DPP6: variants seen among roughly 807,000 people sequenced by gnomAD.
DPP6 encodes the protein dipeptidyl peptidase like 6, also known as A-type potassium channel modulatory protein DPP6.
DPP6 carries 69 observed loss-of-function variants against 122.6 expected under a neutral mutation model. That is an observed-to-expected ratio of 0.56 (90% CI 0.46 to 0.69). DPP6 has a LOEUF of 0.69. Ranked by LOEUF, DPP6 falls within the 30% of genes least tolerant of loss-of-function variation. The pLI is 0.00. For synonymous variants in DPP6, 418 were observed against 433.1 expected, an observed-to-expected ratio of 0.97 and a Z score of 0.43; for missense variants, 928 against 1,116.9, an observed-to-expected ratio of 0.83 and a Z score of 2.41.
chr7:153,887,449 T>A (rs1372824944), exon 1 of DPP6: 1 of 464,618 alleles, frequency 2.2e-6, no homozygotes, highest in Non-Finnish European at 3.9e-6. Context: ...TTTTTTTCTT[T>A]CTTTCTTTAT....
chr7:154,382,215 T>C (rs971219052), intron 1 of DPP6, among the ~76,000 whole-genome samples: 9 of 151,806 alleles, frequency 5.9e-5, no homozygotes. Context: ...TGAGACAGGG[T>C]CTCACTCTGT....
chr7:154,049,051 G>A (rs1169444476), upstream of DPP6, among the ~76,000 whole-genome samples: 1 of 150,142 alleles, frequency 6.7e-6, no homozygotes, highest in African/African-American at 2.5e-5. Flanking sequence ...TGGGTTGGGG[G>A]CATTTGGTTT....
At chr7:154,394,120 G>T (rs1814865090) in intron 1 of DPP6, among the ~76,000 whole-genome samples, 1 of 152,106 alleles carries the variant, frequency 6.6e-6, no homozygotes, top group Non-Finnish European at 1.5e-5. Context: ...TGGAATTGCT[G>T]GATCATATGG....
At chr7:154,188,107 C>T (rs1798437985) in intron 1 of DPP6, among the ~76,000 whole-genome samples, 1 of 152,024 alleles carries the variant, frequency 6.6e-6, no homozygotes. Context: ...CTCTTCTGGT[C>T]ACGCGTAAAG....
At chr7:154,032,500 G>C (rs950861257) in intron 1 of DPP6, among the ~76,000 whole-genome samples, 8 of 152,220 alleles carry the variant, frequency 5.3e-5, no homozygotes, top group Non-Finnish European at 8.8e-5. Flanking sequence ...GTTTATCTAA[G>C]CCCAGACAGC....
chr7:153,969,110 G>T (rs1220853470), intron 1 of DPP6, among the ~76,000 whole-genome samples: 1 of 150,854 alleles, frequency 6.6e-6, no homozygotes. Context: ...CTCTTGGGTA[G>T]ATATCTAAGA....
chr7:154,714,367 A>G (rs1841361222), intron 7 of DPP6, among the ~76,000 whole-genome samples: 1 of 152,158 alleles, frequency 6.6e-6, no homozygotes, highest in Non-Finnish European at 1.5e-5. Context: ...CCGTAGCACC[A>G]ATTTATTGTA....
intron 1 of DPP6, among the ~76,000 whole-genome samples, chr7:154,009,479 T>C (rs1436284995): frequency 1.3e-5 from 2 of 148,398 alleles, no homozygotes; most frequent in Non-Finnish European, 3.0e-5. Flanking sequence ...GAGCCATCCC[T>C]GATGCTTCAC....
rs182387887 is a variant in DPP6 at position 154,288,447 on chromosome 7, C to G, written c.244-157767C>G. On this transcript the variant is annotated intron_variant, in intron 1 of 25. Transcript: ENST00000377770. Reference sequence around the variant, plus strand: ...AAAACTCGGATCCCACTTTCTGCTACTGACCAGCTGTGTGACCTCAGACCA... The same window carrying G: ...AAAACTCGGATCCCACTTTCTGCTAGTGACCAGCTGTGTGACCTCAGACCA... Among the ~76,000 whole-genome samples the G allele has an allele frequency of 2.0e-4, 30 of 152,348 alleles. No homozygotes were observed. The East Asian group carries it at 5.4e-3, about 27-fold the overall frequency.
At chr7:154,763,416 G>T (rs745982736) in intron 8 of DPP6, among the ~76,000 whole-genome samples, 43 of 151,990 alleles carry the variant, frequency 2.8e-4, no homozygotes, top group Non-Finnish European at 3.4e-4. Context: ...AGGAAAGAAA[G>T]AAAAGAAAAA....
chr7:154,709,480 A>C (rs1361511158), intron 7 of DPP6, among the ~76,000 whole-genome samples: 2 of 152,164 alleles, frequency 1.3e-5, no homozygotes, highest in Admixed American at 1.3e-4. Flanking sequence ...TTGGCCTCCC[A>C]AAGTGCTAGG....
At chr7:154,372,338 A>C (rs1472690802) in intron 1 of DPP6, among the ~76,000 whole-genome samples, 1 of 152,128 alleles carries the variant, frequency 6.6e-6, no homozygotes, top group Non-Finnish European at 1.5e-5. Flanking sequence ...ATTGCAGAGC[A>C]TGGATTTTCT....
At chr7:154,029,394 G>A (rs771863277) in intron 1 of DPP6, among the ~76,000 whole-genome samples, 5 of 151,922 alleles carry the variant, frequency 3.3e-5, no homozygotes, top group South Asian at 2.1e-4. Flanking sequence ...GCGGGCGCCT[G>A]TAGTCCCAGC....
the DPP6 span, among the ~76,000 whole-genome samples, chr7:153,837,524 C>T: frequency 1.3e-5 from 2 of 152,310 alleles, no homozygotes; most frequent in Non-Finnish European, 2.9e-5. Flanking sequence ...TTGTGCCATG[C>T]TACCTTTCCA....
chr7:154,254,068 T>C (rs2150901680), intron 1 of DPP6, among the ~76,000 whole-genome samples: 1 of 152,342 alleles, frequency 6.6e-6, no homozygotes, highest in East Asian at 1.9e-4. Context: ...GCCCCTCTTC[T>C]AACGCATAGG....
the DPP6 span, among the ~76,000 whole-genome samples, chr7:153,817,274 G>A: frequency 3.4e-5 from 5 of 147,782 alleles, no homozygotes; most frequent in South Asian, 2.3e-4. Context: ...GCATTTCATT[G>A]TACAAATCAT....
intron 1 of DPP6, among the ~76,000 whole-genome samples, chr7:154,187,359 A>G (rs28377528): frequency 0.26 from 39,786 of 152,074 alleles, 6,292 homozygotes; most frequent in African/African-American, 0.44. Flanking sequence ...TATTGGAATC[A>G]CTGTTTTAAG....
chr7:153,949,915 C>G (rs900067261), intron 1 of DPP6, among the ~76,000 whole-genome samples: 6 of 152,204 alleles, frequency 3.9e-5, no homozygotes, highest in Non-Finnish European at 8.8e-5. Context: ...GGGTGAGTGG[C>G]TACTCTAGGG....
chr7:154,868,890 A>G (rs1804122703), intron 18 of DPP6, among the ~76,000 whole-genome samples: 1 of 152,182 alleles, frequency 6.6e-6, no homozygotes. Context: ...ACCTCTATGC[A>G]TAGCAGCCTT....
Sources: gnomAD v4.1 joint callset for allele counts (sites outside exome capture counted in the v4.1 genomes callset) on GRCh38, gnomAD v4.1.1 for gene constraint, MANE v1.5 for transcripts, NCBI Gene and HGNC (gene_info 2026-07-23, HGNC 2026-07-21) for gene names.